The following PCDHA11 variants were observed in gnomAD, a reference collection of about 807,000 sequenced individuals.
The protein encoded by PCDHA11 is protocadherin alpha-11.
Under a neutral mutation model 70.3 loss-of-function variants are expected in PCDHA11, and 61 were observed. That is an observed-to-expected ratio of 0.87 (90% CI 0.71 to 1.07). The LOEUF is 1.07. PCDHA11 is among the 50% of genes least tolerant of loss of function. The pLI, the probability that PCDHA11 is intolerant of heterozygous loss-of-function variation, is 0.00. For synonymous variants in PCDHA11, 633 were observed against 555.1 expected (o/e 1.14, Z -1.97); for missense variants, 1,324 against 1,237.5 (o/e 1.07, Z -1.05).
chr5:140,928,981 G>A, intron 1 of PCDHA11: 1 of 1,613,802 alleles, frequency 6.2e-7, no homozygotes, highest in Non-Finnish European at 8.5e-7. Context: ...TTTATTTCTG[G>A]GGTGCTTACT....
Position 140,928,606 on chromosome 5 carries a change from C to T in PCDHA11, c.2392-50343C>T, listed in dbSNP as rs782809256. ...TTCTGTCCCAGTGGAAATTGTGCCC[C>T]GCTCTGCCAGGACTGGACACTTGGT... On this transcript the variant is annotated intron_variant, in intron 1 of 3. Coordinates refer to ENST00000398640, the MANE Select transcript of PCDHA11 (RefSeq NM_018902.5). 7.4e-6 allele frequency: 12 copies of T among 1,614,204 alleles called. No homozygotes were observed. In the South Asian group the frequency reaches 1.2e-4, roughly 16 times the overall value.
intron 1 of PCDHA11, among the ~76,000 whole-genome samples, chr5:140,885,554 A>G (rs1025656025): frequency 5.3e-5 from 8 of 152,140 alleles, no homozygotes; most frequent in African/African-American, 1.9e-4. Context: ...TGTTATTTCT[A>G]CGAAATTGAT....
intron 1 of PCDHA11, 179 bp downstream of exon 1, chr5:140,871,673 C>A: frequency 8.7e-7 from 1 of 1,142,932 alleles, no homozygotes; most frequent in Non-Finnish European, 1.2e-6. Flanking sequence ...GTCTTTTAAT[C>A]ATATGAATAA....
At position 140,945,942 on chromosome 5, in the gene PCDHA11, A is replaced by G. The variant is rs534164272; in HGVS notation, c.2392-33007A>G. 2.0e-5 allele frequency among the ~76,000 whole-genome samples: 3 copies of G among 152,196 alleles called. No individual in the cohort carries two copies. In the South Asian group the frequency reaches 6.2e-4, roughly 32 times the overall value. ...ACTGATCTGAGCAATGATGTTTTTT[A>G]TATGACCCTGAAAGCACAGGCAATA... On this transcript the variant is annotated intron_variant, in intron 1 of 3. Coordinates refer to ENST00000398640, the MANE Select transcript of PCDHA11 (RefSeq NM_018902.5).
rs1554262820 is a variant in PCDHA11, at chr5:141,010,243, G to A, written c.*306G>A. On this transcript the variant is annotated 3_prime_UTR_variant, in exon 4 of 4. Coordinates refer to ENST00000398640, the MANE Select transcript of PCDHA11 (RefSeq NM_018902.5). The stretch of plus-strand genomic sequence containing the variant: ...TTCCCAGCCCCGCCAGTGAGAGGTT[G>A]GACTCTCTGCCCTGTGCTCCGGGGA... 1 of 1,551,890 alleles carries A rather than the reference G, an allele frequency of 6.4e-7. No individual in the cohort carries two copies. Among genetic ancestry groups the A allele is most frequent in the Non-Finnish European group, 8.7e-7 (1 of 1,147,036 alleles).
intron 1 of PCDHA11, chr5:140,882,754 T>C: frequency 1.2e-6 from 2 of 1,614,228 alleles, no homozygotes; most frequent in South Asian, 1.1e-5. Flanking sequence ...ATGCAGATAT[T>C]GGAGTAAACT....
chr5:140,903,014 A>G (rs551984849), intron 1 of PCDHA11, among the ~76,000 whole-genome samples: 1 of 152,322 alleles, frequency 6.6e-6, no homozygotes, highest in African/African-American at 2.4e-5. Context: ...TTGTGCTGCT[A>G]TCAACATGGC....
chr5:140,948,345 A>G (rs1476053305), intron 1 of PCDHA11, among the ~76,000 whole-genome samples: 3 of 151,554 alleles, frequency 2.0e-5, no homozygotes, highest in African/African-American at 7.2e-5. Context: ...TAGTATTTCT[A>G]ACCTAATAAA....
At chr5:140,901,667 A>G (rs1319008143) in intron 1 of PCDHA11, among the ~76,000 whole-genome samples, 1 of 151,994 alleles carries the variant, frequency 6.6e-6, no homozygotes, top group Non-Finnish European at 1.5e-5. Context: ...TGCTCAAGAT[A>G]CCTTTAGGTA....
intron 1 of PCDHA11, chr5:140,927,843 C>T (rs1563097859): frequency 1.2e-6 from 2 of 1,614,186 alleles, no homozygotes; most frequent in Non-Finnish European, 1.7e-6. Context: ...ACGAAGGTGT[C>T]TTTGGTTTAG....
At chr5:140,981,479 C>T (rs1275257398) in intron 2 of PCDHA11, among the ~76,000 whole-genome samples, 20 of 152,148 alleles carry the variant, frequency 1.3e-4, no homozygotes, top group African/African-American at 4.8e-4. Flanking sequence ...GAGGCTGAGG[C>T]AGGAGAATTG....
intron 3 of PCDHA11, among the ~76,000 whole-genome samples, chr5:140,990,137 G>C (rs548002411): frequency 2.0e-4 from 31 of 152,224 alleles, no homozygotes; most frequent in African/African-American, 7.2e-4. Context: ...TCAGACTCAA[G>C]AGGCATAATA....
At chr5:140,922,837 C>T (rs1280492516) in intron 1 of PCDHA11, among the ~76,000 whole-genome samples, 2 of 152,134 alleles carry the variant, frequency 1.3e-5, no homozygotes, top group Non-Finnish European at 2.9e-5. Flanking sequence ...AATAGATGTC[C>T]TCAAAGAGAC....
rs1554164810 is a variant in PCDHA11, at chr5:140,870,904, G to A, written c.1801G>A (p.Gly601Ser). 1.9e-6 allele frequency: 3 copies of A among 1,613,840 alleles called. No individual in the cohort carries two copies. The highest frequency in any genetic ancestry group is 2.7e-5 in the African/African-American group (2 of 74,948). ...AKVRAVDADS[G>S]YNAWLSYELQ... is the part of the protein sequence containing the mutation. ...GGTGCGCGCAGTGGATGCGGACTCA[G>A]GCTACAACGCGTGGCTTTCATATGA... Residue 601 changes from glycine to serine, a missense_variant, in exon 1 of 4, where the codon GGC becomes AGC. Coordinates refer to ENST00000398640, the MANE Select transcript of PCDHA11 (RefSeq NM_018902.5).
chr5:140,883,552 G>A, intron 1 of PCDHA11: 2 of 1,614,234 alleles, frequency 1.2e-6, no homozygotes, highest in South Asian at 1.1e-5. Flanking sequence ...TGACCGCGCG[G>A]GACGGGGGCT....
At chr5:140,927,639 G>T in intron 1 of PCDHA11, 11 of 1,614,194 alleles carry the variant, frequency 6.8e-6, no homozygotes, top group Non-Finnish European at 9.3e-6. Flanking sequence ...CACCCAATGG[G>T]ACTGTGTTAT....
chr5:140,956,678 A>C (rs1442214825), intron 1 of PCDHA11, among the ~76,000 whole-genome samples: 2 of 152,104 alleles, frequency 1.3e-5, no homozygotes, highest in Non-Finnish European at 2.9e-5. Context: ...GTTAGGGAGG[A>C]GTACCTCCTT....
rs1436927101 is a variant in PCDHA11 at position 140,886,292 on chromosome 5, T to A, written c.2391+14798T>A. Reference sequence around the variant, plus strand: ...AAATTTTTTAAAATTATTTTTATATTTATTTATTTTTTATTACACTTTAAG... The same window carrying A: ...AAATTTTTTAAAATTATTTTTATATATATTTATTTTTTATTACACTTTAAG... On this transcript the variant is annotated intron_variant, in intron 1 of 3. Coordinates refer to ENST00000398640, the MANE Select transcript of PCDHA11 (RefSeq NM_018902.5). 5.3e-5 allele frequency among the ~76,000 whole-genome samples: 8 copies of A among 152,090 alleles called. No homozygotes were observed. In the East Asian group the frequency reaches 1.3e-3, roughly 26 times the overall value.
chr5:141,006,224 T>A (rs1265190589), intron 3 of PCDHA11, among the ~76,000 whole-genome samples: 1 of 152,072 alleles, frequency 6.6e-6, no homozygotes, highest in African/African-American at 2.4e-5. Flanking sequence ...TTAAATTTTT[T>A]ATTTTTAGAT....
Sources: gnomAD v4.1 joint callset for allele counts (sites outside exome capture counted in the v4.1 genomes callset) on GRCh38, gnomAD v4.1.1 for gene constraint, MANE v1.5 for transcripts, NCBI Gene and HGNC (gene_info 2026-07-23, HGNC 2026-07-21) for gene names.